The following DLEU7 variants were observed in gnomAD, a reference collection of about 807,000 sequenced individuals.
The protein encoded by DLEU7 is deleted in lymphocytic leukemia 7.
Under a neutral mutation model 16.0 loss-of-function variants are expected in DLEU7, and 17 were observed. The observed-to-expected ratio is 1.06, with a 90% confidence interval of 0.73 to 1.59. The LOEUF is 1.59. Ranked by LOEUF, DLEU7 falls within the 40% of genes most tolerant of loss-of-function variation. The pLI, the probability that DLEU7 is intolerant of heterozygous loss-of-function variation, is 0.00. For synonymous variants in DLEU7, 113 were observed against 139.8 expected, an observed-to-expected ratio of 0.81 and a Z score of 1.35; for missense variants, 308 against 314.9, an observed-to-expected ratio of 0.98 and a Z score of 0.17.
exon 2 of DLEU7, chr13:50,712,984 G>T: frequency 1.9e-6 from 1 of 525,940 alleles, no homozygotes; most frequent in Non-Finnish European, 3.4e-6. Flanking sequence ...GGAGGTGAGA[G>T]AGGATAAAGA....
intron 1 of DLEU7, among the ~76,000 whole-genome samples, chr13:50,725,883 T>C (rs1461572879): frequency 6.6e-6 from 1 of 152,226 alleles, no homozygotes; most frequent in Non-Finnish European, 1.5e-5. Context: ...CTATGACTAT[T>C]AACAAATAAC....
intron 1 of DLEU7, among the ~76,000 whole-genome samples, chr13:50,732,714 C>A (rs1191802181): frequency 6.7e-6 from 1 of 150,254 alleles, no homozygotes; most frequent in African/African-American, 2.5e-5. Context: ...TGTTAAATTT[C>A]TTTGAGTCCT....
At chr13:50,841,620 C>T (rs1305860090) in intron 1 of DLEU7, among the ~76,000 whole-genome samples, 3 of 151,664 alleles carry the variant, frequency 2.0e-5, no homozygotes, top group African/African-American at 7.3e-5. Context: ...GTTGCAGCTA[C>T]TGAGGAGGCT....
intron 1 of DLEU7, among the ~76,000 whole-genome samples, chr13:50,745,775 G>A (rs9562996): frequency 0.027 from 4,067 of 152,106 alleles, 248 homozygotes; most frequent in East Asian, 0.21. Context: ...TATGCCTCTG[G>A]TGGGTACTCT....
chr13:50,777,445 C>T (rs1038841790), intron 1 of DLEU7, among the ~76,000 whole-genome samples: 8 of 152,194 alleles, frequency 5.3e-5, no homozygotes, highest in Non-Finnish European at 1.2e-4. Context: ...ATGCTTCCTG[C>T]CCTTGAACAT....
chr13:50,713,710 G>A (rs966776107), intron 1 of DLEU7, among the ~76,000 whole-genome samples: 6 of 152,128 alleles, frequency 3.9e-5, no homozygotes, highest in African/African-American at 1.2e-4. Context: ...GCCTGCATAC[G>A]GTAGGCATTC....
chr13:50,742,552 T>C (rs1450182749), intron 1 of DLEU7, among the ~76,000 whole-genome samples: 1 of 152,148 alleles, frequency 6.6e-6, no homozygotes, highest in Non-Finnish European at 1.5e-5. Flanking sequence ...TTGTATTTAA[T>C]GTGGTTTGCA....
At chr13:50,748,588 C>A (rs892520071) in intron 1 of DLEU7, among the ~76,000 whole-genome samples, 1 of 151,944 alleles carries the variant, frequency 6.6e-6, no homozygotes, top group Non-Finnish European at 1.5e-5. Flanking sequence ...AGGTGACGGT[C>A]CTACCTCGGG....
chr13:50,774,176 G>C (rs539952580), intron 1 of DLEU7, among the ~76,000 whole-genome samples: 1 of 152,226 alleles, frequency 6.6e-6, no homozygotes, highest in Admixed American at 6.5e-5. Context: ...GTCTGTCACA[G>C]CTTCCCTTGG....
At chr13:50,800,248 G>A (rs1876210005) in intron 1 of DLEU7, among the ~76,000 whole-genome samples, 1 of 152,192 alleles carries the variant, frequency 6.6e-6, no homozygotes, top group Admixed American at 6.5e-5. Flanking sequence ...AAAGCACATA[G>A]TACTTGTATC....
chr13:50,828,877 C>T (rs1197754350), intron 1 of DLEU7, among the ~76,000 whole-genome samples: 1 of 152,166 alleles, frequency 6.6e-6, no homozygotes, highest in East Asian at 1.9e-4. Flanking sequence ...CTCAAGGATT[C>T]GCAAGCTACC....
In DLEU7 at chr13:50,715,957, C is replaced by G. The variant is rs535825412; in HGVS notation, c.460-2717G>C. Among the ~76,000 whole-genome samples, 416 of 152,372 alleles carry G rather than the reference C, an allele frequency of 2.7e-3. 2 individuals carry two copies. The highest frequency in any genetic ancestry group is 8.0e-3 in the Admixed American group (122 of 15,308). ...CAGCTCCCTGCCACCTGGCCATGCACTGCTTCCCCTCCACACCCTGCTGAG... is the reference window on the plus strand; with the variant it reads ...CAGCTCCCTGCCACCTGGCCATGCAGTGCTTCCCCTCCACACCCTGCTGAG... On this transcript the variant is annotated intron_variant, in intron 1 of 1. Coordinates refer to the DLEU7 transcript ENST00000400393.
At chr13:50,731,952 A>C (rs192296770) in intron 1 of DLEU7, among the ~76,000 whole-genome samples, 2 of 152,338 alleles carry the variant, frequency 1.3e-5, no homozygotes, top group Non-Finnish European at 2.9e-5. Context: ...ATGTATATTA[A>C]TTGCATAAAA....
chr13:50,732,395 G>A (rs974203056), intron 1 of DLEU7, among the ~76,000 whole-genome samples: 7 of 152,006 alleles, frequency 4.6e-5, no homozygotes, highest in Non-Finnish European at 8.8e-5. Flanking sequence ...CTAATCATGA[G>A]GTCAGGAGCT....
chr13:50,711,772 C>CCGGGGGGGGGGGGGGGGGGGGGG, downstream of DLEU7: 9 of 72,986 alleles, frequency 1.2e-4, 2 homozygotes, highest in South Asian at 9.2e-4. Context: ...GACCCAGTGG[C>CCGGGGGGGGGGGGGGGGGGGGGG]GGGGGCGGGG....
At chr13:50,816,457 CCAA>C (rs781444036) in intron 1 of DLEU7, among the ~76,000 whole-genome samples, 24 of 152,022 alleles carry the variant, frequency 1.6e-4, no homozygotes, top group Non-Finnish European at 3.1e-4. Flanking sequence ...AAAAGAAAGA[CCAA>C]CGTCTGTTAA....
intron 1 of DLEU7, among the ~76,000 whole-genome samples, chr13:50,767,789 A>T (rs1260013498): frequency 2.0e-5 from 3 of 152,200 alleles, no homozygotes; most frequent in Non-Finnish European, 2.9e-5. Context: ...AAGCTCCAGG[A>T]GACACCCCTT....
chr13:50,795,185 A>AG (rs1187514012), intron 1 of DLEU7, among the ~76,000 whole-genome samples: 1 of 152,172 alleles, frequency 6.6e-6, no homozygotes, highest in Non-Finnish European at 1.5e-5. Context: ...TTCATAGAGA[A>AG]GGGGCCAACC....
At chr13:50,802,377 T>G (rs7327627) in intron 1 of DLEU7, among the ~76,000 whole-genome samples, 25,175 of 152,016 alleles carry the variant, frequency 0.17, 3,873 homozygotes, top group African/African-American at 0.4. Context: ...AAGAAAGAAC[T>G]AAGCAAAACC....
Sources: gnomAD v4.1 joint callset for allele counts (sites outside exome capture counted in the v4.1 genomes callset) on GRCh38, gnomAD v4.1.1 for gene constraint, MANE v1.5 for transcripts, NCBI Gene and HGNC (gene_info 2026-07-23, HGNC 2026-07-21) for gene names.